The following ZNF676 variants were observed in gnomAD, a reference collection of about 807,000 sequenced individuals.
ZNF676 encodes zinc finger protein 676.
Under a neutral mutation model 6.0 loss-of-function variants are expected in ZNF676, and 4 were observed. That is an observed-to-expected ratio of 0.67 (90% CI 0.33 to 1.53). The LOEUF (loss-of-function observed/expected upper bound fraction) is 1.53. Ranked by LOEUF, ZNF676 falls within the 40% of genes most tolerant of loss-of-function variation. ZNF676 has a pLI of 0.06. For missense variants in ZNF676, 644 were observed against 679.7 expected, an observed-to-expected ratio of 0.95 and a Z score of 0.58; for synonymous variants, 198 against 223.1, an observed-to-expected ratio of 0.89 and a Z score of 1.00.
At chr19:22,246,426 T>C in the ZNF676 span, among the ~76,000 whole-genome samples, 1 of 151,980 alleles carries the variant, frequency 6.6e-6, no homozygotes, top group South Asian at 2.1e-4. Context: ...CAATACCTCC[T>C]GAGGAAAGAG....
At chr19:22,221,994 C>T in the ZNF676 span, among the ~76,000 whole-genome samples, 1,180 of 152,068 alleles carry the variant, frequency 7.8e-3, 23 homozygotes, top group African/African-American at 0.026. Flanking sequence ...TAAAAAAGTC[C>T]CCCAATATTT....
chr19:22,206,446 G>T (rs10403375), intron 1 of ZNF676, among the ~76,000 whole-genome samples: 64,330 of 151,888 alleles, frequency 0.42, 14,436 homozygotes, highest in African/African-American at 0.58. Context: ...GCCAAGGTGG[G>T]TTGATTCCCT....
Position 22,179,969 on chromosome 19 carries a change from T to C in ZNF676, c.1748A>G (p.His583Arg). ...ACATTTTTAGGGATTCTCTCCAGTA[T>C]GAATTTTCTTATGATAACTAACAGT... The part of the protein sequence containing the change: ...SSTVSYHKKI[H>R]TGENP Residue 583 changes from histidine to arginine, a missense_variant, in exon 3 of 3, where the codon CAT becomes CGT. Coordinates refer to ENST00000397121, the MANE Select transcript of ZNF676 (RefSeq NM_001001411.3). 2 of 1,613,620 alleles carry C rather than the reference T, an allele frequency of 1.2e-6. No individual in the cohort carries two copies. Among genetic ancestry groups the C allele is most frequent in the Non-Finnish European group, 1.7e-6 (2 of 1,179,776 alleles).
At chr19:22,253,435 T>TGA in the ZNF676 span, among the ~76,000 whole-genome samples, 1 of 121,220 alleles carries the variant, frequency 8.2e-6, no homozygotes, top group African/African-American at 3.3e-5. Context: ...TATATATATA[T>TGA]GATAATGTGT....
intron 1 of ZNF676, among the ~76,000 whole-genome samples, chr19:22,214,134 G>A (rs1457853967): frequency 6.6e-6 from 1 of 152,186 alleles, no homozygotes; most frequent in African/African-American, 2.4e-5. Context: ...GAAGGAACTG[G>A]AAATTAAGTA....
intron 1 of ZNF676, among the ~76,000 whole-genome samples, chr19:22,213,550 A>G (rs1255306215): frequency 6.6e-6 from 1 of 152,182 alleles, no homozygotes; most frequent in Admixed American, 6.5e-5. Flanking sequence ...GGGTTGTCCT[A>G]CAGGAGATGA....
At chr19:22,199,080 A>T (rs2023999599), upstream of ZNF676, among the ~76,000 whole-genome samples, 1 of 152,004 alleles carries the variant, frequency 6.6e-6, no homozygotes, top group Non-Finnish European at 1.5e-5. Flanking sequence ...AGGTGATACT[A>T]ATTAGAAGCC....
chr19:22,253,854 T>C, the ZNF676 span, among the ~76,000 whole-genome samples: 1 of 152,150 alleles, frequency 6.6e-6, no homozygotes, highest in Non-Finnish European at 1.5e-5. Context: ...GTGTGCCCTG[T>C]AATGACACTT....
At chr19:22,202,956 T>C (rs2024040744) in intron 1 of ZNF676, among the ~76,000 whole-genome samples, 1 of 152,230 alleles carries the variant, frequency 6.6e-6, no homozygotes, top group Non-Finnish European at 1.5e-5. Flanking sequence ...AATAGCTCTC[T>C]ACTCTCTGAG....
the ZNF676 span, among the ~76,000 whole-genome samples, chr19:22,236,799 G>A: frequency 6.6e-6 from 1 of 152,160 alleles, no homozygotes; most frequent in South Asian, 2.1e-4. Flanking sequence ...TAAGATCACT[G>A]TGATGAATCA....
At chr19:22,250,744 T>G in the ZNF676 span, among the ~76,000 whole-genome samples, 2 of 151,894 alleles carry the variant, frequency 1.3e-5, no homozygotes, top group Non-Finnish European at 2.9e-5. Flanking sequence ...CAGAGTTTCC[T>G]TCTATCACCC....
intron 2 of ZNF676, among the ~76,000 whole-genome samples, chr19:22,185,035 C>T (rs2023816373): frequency 6.6e-6 from 1 of 152,078 alleles, no homozygotes; most frequent in Admixed American, 6.6e-5. Context: ...CATACTGCCA[C>T]CTCAAGTTGG....
In ZNF676 at chr19:22,179,636, G is replaced by T; in HGVS notation, c.*314C>A. 5.6e-6 allele frequency: 3 copies of T among 539,726 alleles called. No homozygotes were observed. Among genetic ancestry groups the T allele is most frequent in the Non-Finnish European group, 1.0e-5 (3 of 291,374 alleles). 33.4% of individuals were successfully genotyped at this position (539,726 alleles called of 1,614,324 possible). On this transcript the variant is annotated 3_prime_UTR_variant, in exon 3 of 3. Coordinates refer to ENST00000397121, the MANE Select transcript of ZNF676 (RefSeq NM_001001411.3). ...ATTTGTAGGGCTTTTCCTCCAGTAT[G>T]AATTCTTTTATGAGTAGTAAGGTGT... is the stretch of plus-strand genomic sequence containing the variant.
chr19:22,205,603 G>C (rs1257359262), intron 1 of ZNF676, among the ~76,000 whole-genome samples: 1 of 152,008 alleles, frequency 6.6e-6, no homozygotes, highest in African/African-American at 2.4e-5. Flanking sequence ...GAAGTGTTTT[G>C]AAACAAATAA....
chr19:22,186,390 T>C (rs1013957377), intron 2 of ZNF676, among the ~76,000 whole-genome samples: 1 of 152,028 alleles, frequency 6.6e-6, no homozygotes, highest in African/African-American at 2.4e-5. Context: ...GCACTGAACA[T>C]CAAAAGGAAC....
chr19:22,230,224 A>C, the ZNF676 span, among the ~76,000 whole-genome samples: 2 of 152,104 alleles, frequency 1.3e-5, no homozygotes, highest in Non-Finnish European at 2.9e-5. Flanking sequence ...TGGAAACCAT[A>C]ATTCTCAGCA....
rs760494569 is a variant in ZNF676, at chr19:22,179,908, G to C, written c.*42C>G. On this transcript the variant is annotated 3_prime_UTR_variant, in exon 3 of 3. Transcript: ENST00000397121. ...AGTATGAATTTTCTTATGTTTACTA[G>C]ACTGAGAATCAGCTGAAGGATTTAC... 6.4e-5 allele frequency: 100 copies of C among 1,574,622 alleles called. No individual in the cohort carries two copies. Among genetic ancestry groups the C allele is most frequent in the Non-Finnish European group, 8.1e-5 (93 of 1,150,230 alleles).
the ZNF676 span, among the ~76,000 whole-genome samples, chr19:22,256,007 G>T: frequency 6.6e-6 from 1 of 152,194 alleles, no homozygotes; most frequent in Non-Finnish European, 1.5e-5. Flanking sequence ...TTTAACAGGT[G>T]CTTGGTTGTC....
chr19:22,235,037 G>C, the ZNF676 span, among the ~76,000 whole-genome samples: 1 of 146,106 alleles, frequency 6.8e-6, no homozygotes. Context: ...AGAAAGAAAA[G>C]AAAAGAAGGA....
Sources: allele counts gnomAD v4.1 joint callset (sites outside exome capture counted in the v4.1 genomes callset), GRCh38; gene constraint gnomAD v4.1.1; transcripts MANE v1.5; gene names NCBI Gene and HGNC (gene_info 2026-07-23, HGNC 2026-07-21).